The following KRT8 variants were observed in gnomAD, a reference collection of about 807,000 sequenced individuals.
KRT8 encodes the protein keratin, type II cytoskeletal 8.
A neutral mutation model predicts 43.0 loss-of-function variants in KRT8; 24 were observed. The ratio of observed to expected loss-of-function variants is 0.56; its 90% confidence interval spans 0.40 to 0.78. The LOEUF is 0.78. Among genes scored for constraint, KRT8 ranks in the 30% least tolerant of loss-of-function variants. The pLI, the probability that KRT8 is intolerant of heterozygous loss-of-function variation, is 0.00. For synonymous variants in KRT8, 214 were observed against 261.2 expected, an observed-to-expected ratio of 0.82 and a Z score of 1.74; for missense variants, 492 against 638.4, an observed-to-expected ratio of 0.77 and a Z score of 2.47.
intron 1 of KRT8, among the ~76,000 whole-genome samples, chr12:52,902,713 G>C (rs982205286): frequency 1.3e-5 from 2 of 151,254 alleles, no homozygotes; most frequent in Non-Finnish European, 2.9e-5. Context: ...TTCTAAAGAT[G>C]TTAAGATTGA....
intron 2 of KRT8, among the ~76,000 whole-genome samples, chr12:52,930,217 A>ATTTTT (rs35917845): frequency 6.8e-6 from 1 of 146,394 alleles, no homozygotes; most frequent in Non-Finnish European, 1.5e-5. Flanking sequence ...CAATTCTATC[A>ATTTTT]TTTTTTTTTT....
intron 2 of KRT8, among the ~76,000 whole-genome samples, chr12:52,916,196 G>A (rs1941736911): frequency 6.6e-6 from 1 of 152,112 alleles, no homozygotes; most frequent in South Asian, 2.1e-4. Context: ...TTAAAGCAGT[G>A]CTTTAGGAAA....
At chr12:52,928,613 G>T (rs555106513) in intron 2 of KRT8, among the ~76,000 whole-genome samples, 1 of 152,066 alleles carries the variant, frequency 6.6e-6, no homozygotes, top group South Asian at 2.1e-4. Flanking sequence ...TTTAAAAAAA[G>T]AAAGAAAGGG....
chr12:52,937,141 C>A (rs1018019658), intron 2 of KRT8, among the ~76,000 whole-genome samples: 1 of 151,856 alleles, frequency 6.6e-6, no homozygotes, highest in Non-Finnish European at 1.5e-5. Context: ...GAGGCTGAGG[C>A]GGGTGGACTG....
intron 2 of KRT8, among the ~76,000 whole-genome samples, chr12:52,942,595 C>T (rs572222894): frequency 6.6e-6 from 1 of 152,298 alleles, no homozygotes; most frequent in African/African-American, 2.4e-5. Context: ...TTCCACTAAA[C>T]TCTTCTGTTT....
chr12:52,921,664 C>T (rs533145764), intron 2 of KRT8, among the ~76,000 whole-genome samples: 9 of 152,240 alleles, frequency 5.9e-5, no homozygotes, highest in Non-Finnish European at 5.9e-5. Flanking sequence ...CTATTCCTCC[C>T]AGGCTTCTCC....
intron 2 of KRT8, among the ~76,000 whole-genome samples, chr12:52,927,398 C>T (rs1485038477): frequency 6.6e-6 from 1 of 152,206 alleles, no homozygotes; most frequent in Non-Finnish European, 1.5e-5. Context: ...GGTGGGGAGC[C>T]TGGACACTTG....
At chr12:52,914,856 T>G (rs945081757) in intron 2 of KRT8, among the ~76,000 whole-genome samples, 1 of 152,208 alleles carries the variant, frequency 6.6e-6, no homozygotes, top group Non-Finnish European at 1.5e-5. Context: ...GCCATCTCCC[T>G]GCTGCAGGAA....
At position 52,904,655 on chromosome 12, in the gene KRT8, C is replaced by G. The variant is rs778778404; in HGVS notation, c.324+3G>C. On this transcript the variant is annotated splice_donor_region_variant and intron_variant, in intron 1 of 7. Coordinates refer to ENST00000692008, the Ensembl canonical transcript of KRT8. ...CAGTCAGCCACGCAGGGGGGACCCTCACCTTGTCTATGAAGGAGGCAAACT... is the reference window on the plus strand; with the variant it reads ...CAGTCAGCCACGCAGGGGGGACCCTGACCTTGTCTATGAAGGAGGCAAACT... The G allele has an allele frequency of 3.1e-6, 5 of 1,612,110 alleles. No homozygotes were observed. The South Asian group carries it at 5.5e-5, about 18-fold the overall frequency.
intron 1 of KRT8, 107 bp from the exon 2 acceptor site, chr12:52,902,179 C>T (rs1941389225): frequency 1.4e-6 from 1 of 728,112 alleles, no homozygotes; most frequent in Non-Finnish European, 2.4e-6. Context: ...GCAGTAAGGT[C>T]TCCAGACCCC....
chr12:52,930,906 T>G (rs1222615816), intron 2 of KRT8, among the ~76,000 whole-genome samples: 1 of 152,138 alleles, frequency 6.6e-6, no homozygotes, highest in Admixed American at 6.6e-5. Context: ...TTCCACTGAT[T>G]CTCTCTTAGT....
At chr12:52,908,963 CTG>C (rs376452624), upstream of KRT8, among the ~76,000 whole-genome samples, 4 of 152,186 alleles carry the variant, frequency 2.6e-5, no homozygotes, top group African/African-American at 9.7e-5. Flanking sequence ...TGAGCCAAGA[CTG>C]TGCCACTGCA....
chr12:52,902,848 CA>C (rs1941408127), intron 1 of KRT8, among the ~76,000 whole-genome samples: 1 of 151,952 alleles, frequency 6.6e-6, no homozygotes, highest in African/African-American at 2.4e-5. Flanking sequence ...CCTGTCCCTA[CA>C]AATAATACAA....
intron 4 of KRT8, 29 bp from the exon 5 acceptor site, chr12:52,900,094 C>A (rs781553783): frequency 3.7e-5 from 59 of 1,610,316 alleles, no homozygotes; most frequent in Non-Finnish European, 4.5e-5. Context: ...AGTGGTGAGG[C>A]CCTGTCTCTG....
chr12:52,921,016 A>C (rs1304668094), intron 2 of KRT8, among the ~76,000 whole-genome samples: 1 of 152,226 alleles, frequency 6.6e-6, no homozygotes. Flanking sequence ...TCTAAGGACT[A>C]AGATAACCCC....
chr12:52,897,721 A>T (rs1338969632), intron 7 of KRT8, 103 bp from the exon 8 acceptor site: 4 of 1,487,656 alleles, frequency 2.7e-6, no homozygotes, highest in Non-Finnish European at 3.7e-6. Context: ...CAGGGATGGG[A>T]GGTTAACCCA....
chr12:52,924,184 C>T (rs1941944468), intron 2 of KRT8, among the ~76,000 whole-genome samples: 2 of 152,084 alleles, frequency 1.3e-5, no homozygotes, highest in Admixed American at 6.5e-5. Context: ...CGCAGTGGCT[C>T]ATGCCTGTAA....
chr12:52,920,399 A>G (rs1470045060), intron 2 of KRT8, among the ~76,000 whole-genome samples: 1 of 151,868 alleles, frequency 6.6e-6, no homozygotes, highest in Non-Finnish European at 1.5e-5. Context: ...AGAGTTTGAG[A>G]CCAGCCTGAC....
chr12:52,949,669 C>G (rs773627638), intron 1 of KRT8: 8 of 1,251,662 alleles, frequency 6.4e-6, no homozygotes, highest in Middle Eastern at 1.8e-4. Context: ...TTCCGTCATT[C>G]CATAACCACC....
Sources: gnomAD v4.1 joint callset for allele counts (sites outside exome capture counted in the v4.1 genomes callset) on GRCh38, gnomAD v4.1.1 for gene constraint, MANE v1.5 for transcripts, NCBI Gene and HGNC (gene_info 2026-07-23, HGNC 2026-07-21) for gene names.